Variants in TTN observed in about 807,000 individuals in gnomAD.
TTN encodes the protein connectin.
A neutral mutation model predicts 3,223.0 loss-of-function variants in TTN; 1,525 were observed. That is an observed-to-expected ratio of 0.47 (90% CI 0.45 to 0.49). TTN has a LOEUF of 0.49. Ranked by LOEUF, TTN falls within the 20% of genes least tolerant of loss-of-function variation. The probability of loss-of-function intolerance (pLI) is 0.00; values close to 1 mark genes in which losing one functional copy is unlikely to be tolerated. For synonymous variants in TTN, 14,094 were observed against 15,161.0 expected, an observed-to-expected ratio of 0.93 and a Z score of 5.17; for missense variants, 40,786 against 43,424.0, an observed-to-expected ratio of 0.94 and a Z score of 5.40.
intron 73 of TTN, 23 bp from the exon 74 acceptor site, chr2:178,723,719 T>A (rs1449708786): frequency 1.3e-6 from 2 of 1,536,480 alleles, no homozygotes; most frequent in Middle Eastern, 1.8e-4. Context: ...GGAGAACAAT[T>A]AAAAGATCCT....
intron 213 of TTN, among the ~76,000 whole-genome samples, chr2:178,648,679 G>C (rs1279539265): frequency 6.6e-6 from 1 of 152,092 alleles, no homozygotes; most frequent in Non-Finnish European, 1.5e-5. Flanking sequence ...CCAAGTGTTG[G>C]GATGACAGGC....
chr2:178,635,034 CCTT>C (rs1271915833), intron 228 of TTN, 128 bp downstream of exon 228: 1 of 1,423,254 alleles, frequency 7.0e-7, no homozygotes, highest in African/African-American at 1.4e-5. Flanking sequence ...AAATTTCTTT[CCTT>C]CTTGGAGACT....
At position 178,528,346 on chromosome 2, in the gene TTN, T is replaced by G; in HGVS notation, c.107305A>C (p.Ser35769Arg). 6 of 1,613,994 alleles carry G rather than the reference T, an allele frequency of 3.7e-6. No individual in the cohort carries two copies. The highest frequency in any genetic ancestry group is 4.2e-6 in the Non-Finnish European group (5 of 1,179,866). The change falls in exon 361 of 363, where the codon AGT (serine) becomes CGT (arginine). Residue 35769 changes from serine to arginine, a missense_variant. Coordinates refer to ENST00000589042, the MANE Select transcript of TTN (RefSeq NM_001267550.2). ...TTGGCCTTAATTGTGTACTTTCCAC[T>G]GTCGCTGACTGATGCATTTCGGATT... ...LEIRNASVSD[S>R]GKYTIKAKNF...
At position 178,552,232 on chromosome 2, in the gene TTN, C is replaced by T. The variant is rs1238578474; in HGVS notation, c.90668G>A (p.Gly30223Asp). 1.2e-6 allele frequency: 2 copies of T among 1,613,170 alleles called. No homozygotes were observed. Among genetic ancestry groups the T allele is most frequent in the Admixed American group, 3.3e-5 (2 of 59,952 alleles). The change falls in exon 335 of 363, where the codon GGC becomes GAC. Residue 30223 changes from glycine (G) to aspartate (D), a missense_variant. Coordinates refer to ENST00000589042, the MANE Select transcript of TTN (RefSeq NM_001267550.2). ...IAVPITVITL[G>D]PPSKPKGPIR... is the part of the protein sequence containing the mutation. ...GGGTCCTTTGGGCTTTGATGGTGGG[C>T]CAAGGGTGATGACTGTAATGGGGAC...
rs759127085 is a variant in TTN, at chr2:178,675,128, AT to A, written c.34538-16del. The A allele has an allele frequency of 1.1e-5, 17 of 1,530,098 alleles. No individual in the cohort carries two copies. In the African/African-American group the frequency reaches 2.0e-4, roughly 18 times the overall value. 94.8% of individuals were successfully genotyped at this position (1,530,098 alleles called of 1,614,324 possible). The stretch of plus-strand genomic sequence containing the variant: ...CACCTCAGGAACTTGAGAGACATTG[AT>A]TATTTTAGACACTTAAAATGCAAGA... On this transcript the variant is annotated splice_polypyrimidine_tract_variant and intron_variant, in intron 149 of 362. Transcript: ENST00000589042.
At chr2:178,711,415 T>G in intron 96 of TTN, 66 bp from the exon 97 acceptor site, 2 of 1,451,204 alleles carry the variant, frequency 1.4e-6, no homozygotes, top group South Asian at 3.0e-5. Flanking sequence ...CAATTATATA[T>G]ATACAAACGC....
chr2:178,579,413 A>G lies in TTN; in HGVS notation c.67637-20T>C, dbSNP rs1230336266. On this transcript the variant is annotated intron_variant, in intron 319 of 362. Coordinates refer to ENST00000589042, the MANE Select transcript of TTN (RefSeq NM_001267550.2). ...GAGCCACTGTAAAATAGCAGAGATA[A>G]ATTACTGTTATTTTTAAGGCCAGGC... 1 of 1,552,692 alleles carries G rather than the reference A, an allele frequency of 6.4e-7. No individual in the cohort carries two copies. Among genetic ancestry groups the G allele is most frequent in the East Asian group, 2.3e-5 (1 of 44,288 alleles).
chr2:178,565,533 A>G lies in TTN; in HGVS notation c.80599T>C (p.Leu26867=), dbSNP rs1705450439. ...TCCTTGGCTATGACAGGAACACCCA[A>G]CACTCTTGGATCGCTTTTTCCTTTC... is the stretch of plus-strand genomic sequence containing the variant. ...NEKGKSDPRV[L]GVPVIAKDLT... is the part of the protein sequence containing the mutation. Residue 26867 remains leucine (L), a synonymous_variant, in exon 326 of 363, where the codon TTG becomes CTG. Transcript: ENST00000589042. 2 of 1,613,448 alleles carry G rather than the reference A, an allele frequency of 1.2e-6. No homozygotes were observed.
rs956513517 is a variant in TTN at position 178,575,240 on chromosome 2, G to A, written c.70892C>T (p.Pro23631Leu). Residue 23631 changes from proline (P) to leucine (L), a missense_variant, in exon 326 of 363, where the codon CCA becomes CTA. Transcript: ENST00000589042. This position sits in a 1 kb window ranked among gnomAD's most constrained non-coding sequence, Gnocchi z 4.0. ...PVIVKEQTML[P>L]ELDLRGIYQK... ...ATAGATGCCACGGAGATCCAGCTCT[G>A]GAAGCATTGTCTGCTCCTTGACAAT... 3.7e-6 allele frequency: 6 copies of A among 1,612,978 alleles called. No individual in the cohort carries two copies. The highest frequency in any genetic ancestry group is 4.5e-5 in the East Asian group (2 of 44,616).
In TTN at chr2:178,572,282, G is replaced by C. The variant is rs1423389429; in HGVS notation, c.73850C>G (p.Pro24617Arg). ...TAESVKASER[P>R]LPPGKITLMD... ...CAAAGTTATTTTTCCTGGAGGAAGA[G>C]GTCGTTCTGATGCTTTCACAGATTC... The change falls in exon 326 of 363, where the codon CCT becomes CGT. Residue 24617 changes from proline to arginine, a missense_variant. Physicochemically the swap from Pro to Arg is moderately radical, Grantham distance 103 (BLOSUM62 -2). Transcript: ENST00000589042. 1.2e-6 allele frequency: 2 copies of C among 1,612,852 alleles called. No homozygotes were observed. The highest frequency in any genetic ancestry group is 2.7e-5 in the African/African-American group (2 of 74,886).
At position 178,636,939 on chromosome 2, in the gene TTN, A is replaced by G. The variant is rs2060509534; in HGVS notation, c.40928-140T>C. 5.5e-6 allele frequency: 5 copies of G among 904,448 alleles called. No individual in the cohort carries two copies. The highest frequency in any genetic ancestry group is 3.1e-5 in the Admixed American group (1 of 32,646). The allele number at this position is 904,448 out of a possible 1,614,324, so 56.0% of individuals were successfully genotyped here. On this transcript the variant is annotated intron_variant, in intron 224 of 362. Transcript: ENST00000589042. This position sits in a 1 kb window ranked among gnomAD's most constrained non-coding sequence, Gnocchi z 4.3. ...TAAAGACCAGGCAATTGAAAGGCCA[A>G]TTGAGTTTATACTGCCTTGTTTCAG...
Position 178,802,197 on chromosome 2 carries a change from G to A in TTN, c.236C>T (p.Ser79Phe). ...TCCAGATCCATTGGTGGCTTTCAGG[G>A]AATATCGTCCACTGTTGGCTTTAGT... ...AVTKANSGRYSLKATNGSGQA... is the reference protein window; with the variant it reads ...AVTKANSGRYFLKATNGSGQA... Residue 79 changes from serine (S) to phenylalanine (F), a missense_variant, in exon 3 of 363, where the codon TCC (serine) becomes TTC (phenylalanine). Ser to Phe is a radical substitution (Grantham distance 155). Coordinates refer to ENST00000589042, the MANE Select transcript of TTN (RefSeq NM_001267550.2). 2.5e-6 allele frequency: 4 copies of A among 1,614,158 alleles called. No homozygotes were observed. In the Middle Eastern group the frequency reaches 6.6e-4, roughly 266 times the overall value.
rs763418453 is a variant in TTN, at chr2:178,546,646, G to C, written c.94782C>G (p.Ser31594Arg). ...CAGGGCCTGTAGATTCAGACCCTTT[G>C]CTAATTACGCCTGCTGCATTCTTGG... ...VLAKNAAGVISKGSESTGPVT... is the reference protein window; with the variant it reads ...VLAKNAAGVIRKGSESTGPVT... The change falls in exon 341 of 363, where the codon AGC (serine) becomes AGG (arginine). Residue 31594 changes from serine (S) to arginine (R), a missense_variant. By Grantham distance (110) the Ser-to-Arg change is moderately radical (BLOSUM62 -1). Transcript: ENST00000589042. 1.2e-6 allele frequency: 2 copies of C among 1,613,592 alleles called. No homozygotes were observed. Among genetic ancestry groups the C allele is most frequent in the East Asian group, 4.5e-5 (2 of 44,834 alleles).
intron 226 of TTN, 113 bp downstream of exon 226, chr2:178,635,849 AT>A: frequency 6.6e-7 from 1 of 1,512,818 alleles, no homozygotes. Context: ...ATATATTGTT[AT>A]TCCCCTCTTA....
At chr2:178,651,990 TA>T in intron 204 of TTN, 23 bp from the exon 205 acceptor site, 2 of 1,611,138 alleles carry the variant, frequency 1.2e-6, no homozygotes, top group East Asian at 4.5e-5. Context: ...GAGCTCATTT[TA>T]ATGCCAGAAT....
In TTN at chr2:178,751,740, C is replaced by A. The variant is rs1356470584; in HGVS notation, c.11311+1384G>T. 2.5e-6 allele frequency: 4 copies of A among 1,613,084 alleles called. No individual in the cohort carries two copies. In the South Asian group the frequency reaches 4.4e-5, roughly 18 times the overall value. On this transcript the variant is annotated intron_variant, in intron 47 of 362. Coordinates refer to ENST00000589042, the MANE Select transcript of TTN (RefSeq NM_001267550.2). The stretch of plus-strand genomic sequence containing the variant: ...GAGTGATGGTGTAAATCACTCTCAG[C>A]TTTTATAATCCGACGAAGACCTGTT...
chr2:178,788,972 C>A (rs1428038716), intron 13 of TTN, among the ~76,000 whole-genome samples: 2 of 151,888 alleles, frequency 1.3e-5, no homozygotes, highest in African/African-American at 4.8e-5. Flanking sequence ...AATTTATGAC[C>A]CTTCAAAACA....
rs2047818606 is a variant in TTN at position 178,581,821 on chromosome 2, A to G, written c.66464-17T>C. 6.3e-7 allele frequency: 1 copy of G among 1,594,352 alleles called. No individual in the cohort carries two copies. The highest frequency in any genetic ancestry group is 1.1e-5 in the South Asian group (1 of 87,864). On this transcript the variant is annotated splice_polypyrimidine_tract_variant and intron_variant, in intron 315 of 362. Transcript: ENST00000589042. ...CAGGAGGATCTGAGAATAAATAATG[A>G]TAGGAAATTTTCATGAAAACTTCCT...
At position 178,730,795 on chromosome 2, in the gene TTN, A is replaced by G. The variant is rs2080320783; in HGVS notation, c.17741-3T>C. On this transcript the variant is annotated splice_region_variant and splice_polypyrimidine_tract_variant and intron_variant, in intron 60 of 362. Transcript: ENST00000589042. ...GAATGAAGGAGGTATGATAAGATCT[A>G]TTCAATGAAAAAGCAAACAACAACA... The G allele has an allele frequency of 6.4e-7, 1 of 1,562,070 alleles. No homozygotes were observed.
Sources: allele counts gnomAD v4.1 joint callset (sites outside exome capture counted in the v4.1 genomes callset), GRCh38; gene constraint gnomAD v4.1.1; non-coding constraint Gnocchi (gnomAD v3.1); transcripts MANE v1.5; gene names NCBI Gene and HGNC (gene_info 2026-07-23, HGNC 2026-07-21).